ADGRL3: variants seen among roughly 807,000 people sequenced by gnomAD.
ADGRL3 encodes calcium-independent alpha-latrotoxin receptor 3.
ADGRL3 carries 62 observed loss-of-function variants against 153.5 expected under a neutral mutation model. That is an observed-to-expected ratio of 0.40 (90% CI 0.33 to 0.50). ADGRL3 has a LOEUF of 0.50. Among genes scored for constraint, ADGRL3 ranks in the 20% least tolerant of loss-of-function variants. The pLI, the probability that ADGRL3 is intolerant of heterozygous loss-of-function variation, is 0.47. For missense variants in ADGRL3, 1,641 were observed against 1,859.4 expected, an observed-to-expected ratio of 0.88 and a Z score of 2.16; for synonymous variants, 710 against 672.5, an observed-to-expected ratio of 1.06 and a Z score of -0.86.
chr4:61,231,753 T>G (rs1750754258), intron 1 of ADGRL3, among the ~76,000 whole-genome samples: 6 of 152,190 alleles, frequency 3.9e-5, no homozygotes, highest in African/African-American at 1.2e-4. Context: ...TTCTTCATTT[T>G]ATCCTTTGGG....
At chr4:61,418,899 A>T (rs2097172699) in intron 2 of ADGRL3, among the ~76,000 whole-genome samples, 1 of 150,808 alleles carries the variant, frequency 6.6e-6, no homozygotes, top group Non-Finnish European at 1.5e-5. Flanking sequence ...AAAAGAAAAA[A>T]GTTAAATTAA....
intron 11 of ADGRL3, among the ~76,000 whole-genome samples, chr4:61,896,754 G>T (rs2098634001): frequency 6.6e-6 from 1 of 152,102 alleles, no homozygotes. Flanking sequence ...CGTACTTGTT[G>T]CTATTCATAA....
chr4:61,998,167 A>C lies in ADGRL3; in HGVS notation c.3304-7A>C. ...TATGCTACATAACACTACCTTTTGC[A>C]TTCCAGCTTAATGTAATCTTCCTTG... On this transcript the variant is annotated splice_polypyrimidine_tract_variant and splice_region_variant and intron_variant, in intron 20 of 26. Coordinates refer to ENST00000683033, the MANE Select transcript of ADGRL3 (RefSeq NM_001387552.1). 1 of 1,504,988 alleles carries C rather than the reference A, an allele frequency of 6.6e-7. No homozygotes were observed. Among genetic ancestry groups the C allele is most frequent in the Non-Finnish European group, 9.0e-7 (1 of 1,108,234 alleles). 93.2% of individuals were successfully genotyped at this position (1,504,988 alleles called of 1,614,324 possible). A position where few individuals can be genotyped will look rare whatever the true frequency, so the allele number is the denominator to read the frequency against.
At chr4:61,939,379 C>A (rs189701360) in intron 15 of ADGRL3, among the ~76,000 whole-genome samples, 13 of 152,180 alleles carry the variant, frequency 8.5e-5, no homozygotes, top group African/African-American at 2.9e-4. Flanking sequence ...AAAATATTCC[C>A]GTGTCTCTTA....
chr4:61,418,053 G>A (rs1258515762), intron 2 of ADGRL3, among the ~76,000 whole-genome samples: 1 of 152,088 alleles, frequency 6.6e-6, no homozygotes, highest in Admixed American at 6.5e-5. Flanking sequence ...CCTTACATGT[G>A]ACCTTCATTT....
chr4:61,699,089 AT>A (rs984289285), intron 6 of ADGRL3, among the ~76,000 whole-genome samples: 4 of 152,144 alleles, frequency 2.6e-5, no homozygotes, highest in African/African-American at 7.2e-5. Flanking sequence ...TTAAAACATG[AT>A]CTTGTTGTTA....
intron 3 of ADGRL3, among the ~76,000 whole-genome samples, chr4:61,507,351 A>T (rs1391616506): frequency 2.0e-5 from 3 of 152,174 alleles, no homozygotes; most frequent in East Asian, 3.9e-4. Context: ...CAGATGTATT[A>T]GAGGTTACAG....
chr4:61,247,046 AT>A (rs1007499889), intron 1 of ADGRL3, among the ~76,000 whole-genome samples: 46 of 152,170 alleles, frequency 3.0e-4, no homozygotes, highest in African/African-American at 1.1e-3. Flanking sequence ...TGAGATTGAG[AT>A]TTTTTTAAAG....
At chr4:61,882,292 A>C (rs1334192828) in intron 9 of ADGRL3, among the ~76,000 whole-genome samples, 1 of 152,194 alleles carries the variant, frequency 6.6e-6, no homozygotes, top group Non-Finnish European at 1.5e-5. Context: ...AAGGGCTACC[A>C]TGTGCCAGTG....
chr4:61,989,215 A>G lies in ADGRL3; in HGVS notation c.3236+5612A>G, dbSNP rs987887272. 2.0e-5 allele frequency among the ~76,000 whole-genome samples: 3 copies of G among 152,258 alleles called. No homozygotes were observed. In the East Asian group the frequency reaches 5.8e-4, roughly 29 times the overall value. ...TTGATGGTATATGCAAGTTATATGC[A>G]TAGATTTATTTAATTATTTTGTTCA... On this transcript the variant is annotated intron_variant, in intron 19 of 26. Transcript: ENST00000683033.
At chr4:61,236,420 A>G (rs578251075) in intron 1 of ADGRL3, among the ~76,000 whole-genome samples, 99 of 151,862 alleles carry the variant, frequency 6.5e-4, no homozygotes, top group Non-Finnish European at 7.5e-4. Flanking sequence ...CCATTTTTCT[A>G]CTGTGTGTAT....
intron 19 of ADGRL3, among the ~76,000 whole-genome samples, chr4:61,989,764 T>C (rs774323571): frequency 6.6e-6 from 1 of 152,052 alleles, no homozygotes; most frequent in Admixed American, 6.6e-5. Context: ...AATTGAATAT[T>C]AGACCTGAGT....
chr4:61,802,239 T>C (rs547990555), intron 8 of ADGRL3, among the ~76,000 whole-genome samples: 7 of 152,050 alleles, frequency 4.6e-5, no homozygotes, highest in African/African-American at 1.7e-4. Flanking sequence ...TATGCACTTT[T>C]GCACACACAA....
At chr4:61,504,752 T>A (rs565906840) in intron 3 of ADGRL3, among the ~76,000 whole-genome samples, 3 of 152,338 alleles carry the variant, frequency 2.0e-5, no homozygotes, top group East Asian at 1.9e-4. Flanking sequence ...ACTGATAACA[T>A]GCAATGTTTG....
rs922275289 is a variant in ADGRL3 at position 62,075,750 on chromosome 4, A to G, written c.*4842A>G. The G allele has an allele frequency of 2.6e-5, 4 of 151,576 alleles. No individual in the cohort carries two copies. The highest frequency in any genetic ancestry group is 9.7e-5 in the African/African-American group (4 of 41,216). The allele number at this position is 151,576 out of a possible 1,614,324, so 9.4% of individuals were successfully genotyped here. On this transcript the variant is annotated 3_prime_UTR_variant, in exon 27 of 27. Coordinates refer to ENST00000683033, the MANE Select transcript of ADGRL3 (RefSeq NM_001387552.1). Reference sequence around the variant, plus strand: ...TAGCTTATGGAAGCATTTTTGTGCGAATGGATTTTACATAAGAAGCTTTTC... The same window carrying G: ...TAGCTTATGGAAGCATTTTTGTGCGGATGGATTTTACATAAGAAGCTTTTC...
At chr4:61,548,215 C>G (rs1046892282) in intron 4 of ADGRL3, among the ~76,000 whole-genome samples, 11 of 151,984 alleles carry the variant, frequency 7.2e-5, no homozygotes, top group African/African-American at 2.7e-4. Flanking sequence ...CATGTTTTTT[C>G]TCCATTTGTA....
chr4:61,880,057 T>C (rs960803786), intron 9 of ADGRL3, among the ~76,000 whole-genome samples: 1 of 152,108 alleles, frequency 6.6e-6, no homozygotes, highest in Non-Finnish European at 1.5e-5. Flanking sequence ...GTGGGTAGGC[T>C]TGGTTGGCCA....
At chr4:61,985,055 G>A (rs1203357392) in intron 19 of ADGRL3, among the ~76,000 whole-genome samples, 1 of 152,030 alleles carries the variant, frequency 6.6e-6, no homozygotes, top group East Asian at 1.9e-4. Context: ...TTGGGAGGTA[G>A]AAAGACACAA....
At chr4:61,370,815 A>T (rs2096508227) in intron 1 of ADGRL3, among the ~76,000 whole-genome samples, 1 of 152,144 alleles carries the variant, frequency 6.6e-6, no homozygotes, top group African/African-American at 2.4e-5. Context: ...GATCTGTCTA[A>T]TATTGACAGT....
Sources: gnomAD v4.1 joint callset for allele counts (sites outside exome capture counted in the v4.1 genomes callset) on GRCh38, gnomAD v4.1.1 for gene constraint, MANE v1.5 for transcripts, NCBI Gene and HGNC (gene_info 2026-07-23, HGNC 2026-07-21) for gene names.